PCDHA6: variants seen among roughly 807,000 people sequenced by gnomAD.
The protein encoded by PCDHA6 is protocadherin alpha 6.
PCDHA6 carries 55 observed loss-of-function variants against 60.3 expected under a neutral mutation model. That is an observed-to-expected ratio of 0.91 (90% CI 0.73 to 1.14). The LOEUF is 1.14. Ranked by LOEUF, PCDHA6 falls within the 50% of genes most tolerant of loss-of-function variation. PCDHA6 has a pLI of 0.00. For synonymous variants in PCDHA6, 652 were observed against 557.9 expected (o/e 1.17, Z -2.38); for missense variants, 1,327 against 1,256.5 (o/e 1.06, Z -0.85).
intron 1 of PCDHA6, among the ~76,000 whole-genome samples, chr5:140,887,688 G>GA (rs1453843716): frequency 4.2e-4 from 64 of 151,926 alleles, no homozygotes; most frequent in Middle Eastern, 3.2e-3. Context: ...TCAAATTCAG[G>GA]AAAAAATCAA....
chr5:140,845,773 A>G lies in PCDHA6; in HGVS notation c.2394+15288A>G, dbSNP rs1780027224. Among the ~76,000 whole-genome samples, 2 of 149,724 alleles carry G rather than the reference A, an allele frequency of 1.3e-5. 1 individual carries two copies. Among genetic ancestry groups the G allele is most frequent in the Non-Finnish European group, 3.0e-5 (2 of 66,920 alleles). ...TTGTATCAAGTAAGTTAATAGTTAT[A>G]AATTATTAATAATAAACTCTGGCAA... On this transcript the variant is annotated intron_variant, in intron 1 of 3. Transcript: ENST00000529310.
intron 1 of PCDHA6, chr5:140,864,242 T>C (rs978090917): frequency 6.6e-6 from 1 of 152,208 alleles, no homozygotes; most frequent in Non-Finnish European, 1.5e-5. Flanking sequence ...TTATTCCTAT[T>C]CATTTTCTTA....
At chr5:140,877,789 A>G (rs2057339151) in intron 1 of PCDHA6, 1 of 1,613,954 alleles carries the variant, frequency 6.2e-7, no homozygotes, top group Non-Finnish European at 8.5e-7. Context: ...CATGGCCTTC[A>G]GCCCAAGCCT....
rs1278190743 is a variant in PCDHA6, at chr5:140,891,784, G to C, written c.2394+61299G>C. 2.0e-5 allele frequency among the ~76,000 whole-genome samples: 3 copies of C among 152,152 alleles called. No homozygotes were observed. In the East Asian group the frequency reaches 5.8e-4, roughly 29 times the overall value. On this transcript the variant is annotated intron_variant, in intron 1 of 3. Coordinates refer to ENST00000529310, the MANE Select transcript of PCDHA6 (RefSeq NM_018909.4). ...GGTGGGGAATTTCAGGAAATGTTTA[G>C]ATTATGAGGGATCTGCCCTCATGAA...
At chr5:140,971,370 G>C (rs2096473492) in intron 1 of PCDHA6, among the ~76,000 whole-genome samples, 3 of 152,194 alleles carry the variant, frequency 2.0e-5, no homozygotes, top group African/African-American at 7.2e-5. Flanking sequence ...CCAGGAGAGT[G>C]CATGACTTTA....
In PCDHA6 at chr5:140,830,402, G is replaced by A; in HGVS notation, c.2311G>A (p.Ala771Thr). ...GEGPPKMDLM[A>T]FSPSLSPCPI... ...GGGCCCACCCAAGATGGATCTCATGGCCTTTAGCCCCAGCCTTTCACCTTG... is the reference window on the plus strand; with the variant it reads ...GGGCCCACCCAAGATGGATCTCATGACCTTTAGCCCCAGCCTTTCACCTTG... Residue 771 changes from alanine to threonine, a missense_variant, in exon 1 of 4, where the codon GCC (alanine) becomes ACC (threonine). Physicochemically the swap from Ala to Thr is moderately conservative, Grantham distance 58 (BLOSUM62 0). Coordinates refer to ENST00000529310, the MANE Select transcript of PCDHA6 (RefSeq NM_018909.4). 6.2e-7 allele frequency: 1 copy of A among 1,614,186 alleles called. No homozygotes were observed. The highest frequency in any genetic ancestry group is 8.5e-7 in the Non-Finnish European group (1 of 1,180,008).
chr5:140,842,180 A>G lies in PCDHA6; in HGVS notation c.2394+11695A>G, dbSNP rs199588480. ...ATATTCTTTTAATAGCCTTGTTGAA[A>G]CTATGGTTATTGACCACTTTAGCAT... On this transcript the variant is annotated intron_variant, in intron 1 of 3. Coordinates refer to ENST00000529310, the MANE Select transcript of PCDHA6 (RefSeq NM_018909.4). The G allele has an allele frequency of 3.0e-4, 482 of 1,613,200 alleles. 6 individuals are homozygous for G. Among genetic ancestry groups the G allele is most frequent in the African/African-American group, 2.2e-3 (168 of 74,850 alleles).
At chr5:141,005,228 C>G (rs974482410) in intron 3 of PCDHA6, among the ~76,000 whole-genome samples, 11 of 152,182 alleles carry the variant, frequency 7.2e-5, no homozygotes, top group Admixed American at 2.0e-4. Flanking sequence ...TACTAAACAC[C>G]TGTTATGGGC....
intron 1 of PCDHA6, among the ~76,000 whole-genome samples, chr5:140,961,335 A>G (rs548773476): frequency 1.6e-4 from 24 of 152,322 alleles, no homozygotes; most frequent in African/African-American, 5.8e-4. Context: ...TGAGAGACCA[A>G]GAGTGGATCC....
chr5:140,856,716 G>T (rs1482820775), intron 1 of PCDHA6: 1 of 1,596,628 alleles, frequency 6.3e-7, no homozygotes, highest in Admixed American at 1.7e-5. Context: ...GAATTTACCG[G>T]ATCTGTTTCT....
At chr5:140,966,767 A>T in intron 1 of PCDHA6, 1 of 1,484,362 alleles carries the variant, frequency 6.7e-7, no homozygotes, top group South Asian at 1.3e-5. Context: ...GCCAGTGGCT[A>T]TGGAGCAGGC....
Position 140,842,831 on chromosome 5 carries a change from C to T in PCDHA6, c.2394+12346C>T, listed in dbSNP as rs2150345753. On this transcript the variant is annotated intron_variant, in intron 1 of 3. Transcript: ENST00000529310. ...GGAGCGGCGGGTGGGCGAGCGCTCG[C>T]TGTCGAGCTACATTTCGGTGCACAC... The T allele has an allele frequency of 5.5e-5, 88 of 1,593,856 alleles. 9 individuals are homozygous for T. The highest frequency in any genetic ancestry group is 1.7e-4 in the Admixed American group (10 of 59,288).
intron 1 of PCDHA6, among the ~76,000 whole-genome samples, chr5:140,919,580 A>G (rs1454243319): frequency 1.3e-5 from 2 of 152,194 alleles, no homozygotes; most frequent in African/African-American, 4.8e-5. Context: ...TTAGAATGTA[A>G]CATGGTAATT....
At chr5:140,870,981 C>T (rs372420484) in intron 1 of PCDHA6, 72 of 1,613,472 alleles carry the variant, frequency 4.5e-5, no homozygotes, top group Non-Finnish European at 5.9e-5. Context: ...TGGGGCTGTA[C>T]ACGGGCGAGA....
At chr5:140,987,022 T>C (rs1218338191) in intron 3 of PCDHA6, among the ~76,000 whole-genome samples, 1 of 152,068 alleles carries the variant, frequency 6.6e-6, no homozygotes, top group African/African-American at 2.4e-5. Flanking sequence ...GAGACCAGCC[T>C]GGTCAACATG....
rs139629080 is a variant in PCDHA6, at chr5:140,828,492, C to G, written c.401C>G (p.Pro134Arg). ...ATTAACGACAACCCGCCCTTGTTCC[C>G]GGTAGAGGAACAAAGAGTGCTGATT... ...RDINDNPPLF[P>R]VEEQRVLIYE... is the part of the protein sequence containing the mutation. The change falls in exon 1 of 4, where the codon CCG (proline) becomes CGG (arginine). Residue 134 changes from proline (P) to arginine (R), a missense_variant. Physicochemically the swap from Pro to Arg is moderately radical, Grantham distance 103. Coordinates refer to ENST00000529310, the MANE Select transcript of PCDHA6 (RefSeq NM_018909.4). 3.7e-6 allele frequency: 6 copies of G among 1,614,162 alleles called. No homozygotes were observed. The highest frequency in any genetic ancestry group is 4.5e-5 in the East Asian group (2 of 44,888).
chr5:140,861,923 A>G (rs898939301), intron 1 of PCDHA6: 1 of 153,990 alleles, frequency 6.5e-6, no homozygotes, highest in African/African-American at 2.4e-5. Flanking sequence ...GCTGGATGTA[A>G]ATGATGATGC....
chr5:140,838,075 ATAGTGTGT>A (rs2150283132), intron 1 of PCDHA6, among the ~76,000 whole-genome samples: 16,155 of 126,956 alleles, frequency 0.13, 1,025 homozygotes, highest in Middle Eastern at 0.15. Context: ...TTATATATAT[ATAGTGTGT>A]GTGTGTGTGT....
intron 1 of PCDHA6, chr5:140,842,584 T>A: frequency 6.6e-7 from 1 of 1,519,626 alleles, no homozygotes; most frequent in Non-Finnish European, 8.9e-7. Flanking sequence ...TGTCGGCCTA[T>A]GAGTTGGTGG....
Sources: allele counts gnomAD v4.1 joint callset (sites outside exome capture counted in the v4.1 genomes callset), GRCh38; gene constraint gnomAD v4.1.1; transcripts MANE v1.5; gene names NCBI Gene and HGNC (gene_info 2026-07-23, HGNC 2026-07-21).